EIPR1: variants seen among roughly 807,000 people sequenced by gnomAD.
EIPR1 encodes EARP complex and GARP complex interacting protein 1, also known as EARP and GARP complex-interacting protein 1.
A neutral mutation model predicts 48.1 loss-of-function variants in EIPR1; 25 were observed. The ratio of observed to expected loss-of-function variants is 0.52; its 90% CI spans 0.38 to 0.73. The LOEUF (loss-of-function observed/expected upper bound fraction) is 0.73. Ranked by LOEUF, EIPR1 falls within the 30% of genes least tolerant of loss-of-function variation. EIPR1 has a pLI of 0.00. For synonymous variants in EIPR1, 204 were observed against 201.9 expected, an observed-to-expected ratio of 1.01 and a Z score of -0.09; for missense variants, 415 against 506.2, an observed-to-expected ratio of 0.82 and a Z score of 1.73.
intron 3 of EIPR1, among the ~76,000 whole-genome samples, chr2:3,289,154 T>A (rs1053393596): frequency 6.6e-5 from 10 of 152,192 alleles, no homozygotes; most frequent in Non-Finnish European, 1.3e-4. Flanking sequence ...AGCGAGGATT[T>A]GTTTCTGTAT....
intron 1 of EIPR1, among the ~76,000 whole-genome samples, chr2:3,364,998 T>C (rs1292009706): frequency 6.6e-6 from 1 of 152,152 alleles, no homozygotes; most frequent in Non-Finnish European, 1.5e-5. Flanking sequence ...GGTTCTGACA[T>C]AAAGAAAAAA....
At chr2:3,363,454 C>T (rs1024107175) in intron 1 of EIPR1, among the ~76,000 whole-genome samples, 3 of 152,130 alleles carry the variant, frequency 2.0e-5, no homozygotes, top group Admixed American at 6.5e-5. Context: ...CCAATACTGA[C>T]GGAGGCCAAG....
intron 3 of EIPR1, among the ~76,000 whole-genome samples, chr2:3,303,419 G>A (rs1054420769): frequency 2.0e-5 from 3 of 152,124 alleles, no homozygotes; most frequent in Middle Eastern, 3.2e-3. Context: ...AGGCTGCTGC[G>A]TGCCAGGGAC....
intron 6 of EIPR1, among the ~76,000 whole-genome samples, chr2:3,194,965 TCACA>T (rs928801324): frequency 6.6e-6 from 1 of 152,228 alleles, no homozygotes; most frequent in East Asian, 1.9e-4. Flanking sequence ...GCGTGCGTTC[TCACA>T]CTCACGCGTG....
At chr2:3,198,566 GTTCTT>G (rs1261937799) in intron 5 of EIPR1, among the ~76,000 whole-genome samples, 1 of 152,158 alleles carries the variant, frequency 6.6e-6, no homozygotes, top group Non-Finnish European at 1.5e-5. Flanking sequence ...TTCAACGTAG[GTTCTT>G]TTCTATTTTC....
At chr2:3,307,747 T>C (rs1668992212) in intron 3 of EIPR1, among the ~76,000 whole-genome samples, 1 of 152,218 alleles carries the variant, frequency 6.6e-6, no homozygotes, top group Non-Finnish European at 1.5e-5. Context: ...AACATAGTTA[T>C]ATGGAAGGAA....
chr2:3,347,812 G>T (rs1670448515), intron 2 of EIPR1, among the ~76,000 whole-genome samples: 1 of 152,244 alleles, frequency 6.6e-6, no homozygotes, highest in South Asian at 2.1e-4. Context: ...AAACAGAAAT[G>T]CGAGTCAGGG....
chr2:3,358,750 T>C (rs1203223217), intron 1 of EIPR1, among the ~76,000 whole-genome samples: 1 of 152,214 alleles, frequency 6.6e-6, no homozygotes, highest in Non-Finnish European at 1.5e-5. Flanking sequence ...AAGCCATTCC[T>C]GAAAGACAAA....
chr2:3,275,036 CA>C (rs957837744), intron 3 of EIPR1, among the ~76,000 whole-genome samples: 4 of 148,968 alleles, frequency 2.7e-5, no homozygotes, highest in South Asian at 4.2e-4. Flanking sequence ...AAAGTTGTAC[CA>C]AAAAAAAAGT....
At chr2:3,306,172 C>T (rs1668938262) in intron 3 of EIPR1, among the ~76,000 whole-genome samples, 1 of 152,240 alleles carries the variant, frequency 6.6e-6, no homozygotes, top group Non-Finnish European at 1.5e-5. Context: ...TTTCGTCATG[C>T]TAGCGGTGGC....
At chr2:3,209,755 A>T (rs561521701) in intron 5 of EIPR1, among the ~76,000 whole-genome samples, 7 of 152,346 alleles carry the variant, frequency 4.6e-5, no homozygotes, top group Admixed American at 4.6e-4. Context: ...TTACTAAGGG[A>T]CAGAAACCAA....
chr2:3,287,645 G>A (rs71444241), intron 3 of EIPR1, among the ~76,000 whole-genome samples: 24 of 97,998 alleles, frequency 2.4e-4, no homozygotes, highest in East Asian at 1.0e-3. Context: ...ACCACGCTCC[G>A]GAAAGCTCGT....
intron 3 of EIPR1, among the ~76,000 whole-genome samples, chr2:3,324,025 G>A (rs142981254): frequency 1.6e-4 from 24 of 152,282 alleles, no homozygotes; most frequent in African/African-American, 3.9e-4. Flanking sequence ...AAACAATGAC[G>A]GGACAGAACA....
intron 5 of EIPR1, 95 bp from the exon 6 acceptor site, chr2:3,197,112 TA>T: frequency 7.4e-7 from 1 of 1,351,524 alleles, no homozygotes. Flanking sequence ...TACTCAAGGA[TA>T]TTATTGAAAA....
intron 1 of EIPR1, among the ~76,000 whole-genome samples, chr2:3,356,122 A>AGCCG (rs1433322747): frequency 1.3e-5 from 2 of 152,212 alleles, no homozygotes. Flanking sequence ...GGAGCTCTGG[A>AGCCG]GCCGGACGGC....
chr2:3,353,781 G>A (rs1670648476), intron 2 of EIPR1, among the ~76,000 whole-genome samples: 1 of 152,114 alleles, frequency 6.6e-6, no homozygotes, highest in South Asian at 2.1e-4. Flanking sequence ...ATACGAGAGT[G>A]ACAGTTTCAC....
intron 4 of EIPR1, among the ~76,000 whole-genome samples, chr2:3,250,986 C>A (rs1239590254): frequency 6.6e-6 from 1 of 151,830 alleles, no homozygotes. Context: ...TCCTTTATAG[C>A]AATGCAAACA....
intron 4 of EIPR1, among the ~76,000 whole-genome samples, chr2:3,245,017 T>C (rs1454774528): frequency 2.0e-5 from 3 of 152,196 alleles, no homozygotes; most frequent in African/African-American, 2.4e-5. Flanking sequence ...ATTTTTGTAT[T>C]ATGACTCTTC....
intron 4 of EIPR1, among the ~76,000 whole-genome samples, chr2:3,255,254 C>G (rs964210630): frequency 6.6e-6 from 1 of 151,392 alleles, no homozygotes; most frequent in Non-Finnish European, 1.5e-5. Flanking sequence ...CTGATCTCAG[C>G]TCACTGCAAC....
Sources: allele counts gnomAD v4.1 joint callset (sites outside exome capture counted in the v4.1 genomes callset), GRCh38; gene constraint gnomAD v4.1.1; transcripts MANE v1.5; gene names NCBI Gene and HGNC (gene_info 2026-07-23, HGNC 2026-07-21).